C1orf115: variants seen among roughly 807,000 people sequenced by gnomAD.
The protein encoded by C1orf115 is chromosome 1 open reading frame 115.
C1orf115 carries 14 observed loss-of-function variants against 12.5 expected under a neutral mutation model. The observed-to-expected ratio is 1.12, with a 90% CI of 0.74 to 1.75. The LOEUF (loss-of-function observed/expected upper bound fraction) is 1.75, where lower values mean the gene tolerates loss of function less well. C1orf115 is among the 40% of genes most tolerant of loss of function. C1orf115 has a pLI of 0.00. For missense variants in C1orf115, 237 were observed against 220.8 expected (o/e 1.07, Z -0.46); for synonymous variants, 109 against 104.6 (o/e 1.04, Z -0.26).
intron 1 of C1orf115, among the ~76,000 whole-genome samples, chr1:220,693,941 G>A (rs928176583): frequency 2.6e-5 from 4 of 151,992 alleles, no homozygotes; most frequent in South Asian, 4.1e-4. Context: ...TTAGCCTGGC[G>A]CGGTGGTGCA....
intron 1 of C1orf115, 32 bp downstream of exon 1, chr1:220,690,743 G>A (rs779656582): frequency 1.3e-6 from 2 of 1,553,854 alleles, no homozygotes; most frequent in East Asian, 2.5e-5. Context: ...TGCCCGGGGG[G>A]CGCGGGTGTG....
intron 1 of C1orf115, among the ~76,000 whole-genome samples, chr1:220,692,765 C>T (rs6702417): frequency 0.02 from 3,014 of 152,176 alleles, 99 homozygotes; most frequent in African/African-American, 0.068. Flanking sequence ...TAAATGCCAC[C>T]GGGCTGTACG....
rs112127159 is a variant in C1orf115 at position 220,692,540 on chromosome 1, C to T, written c.309+1829C>T. Among the ~76,000 whole-genome samples the T allele has an allele frequency of 4.6e-5, 7 of 152,204 alleles. 1 individual carries two copies. Among genetic ancestry groups the T allele is most frequent in the African/African-American group, 1.7e-4 (7 of 41,544 alleles). ...TTATGCTAAGTGAAGTAAACAAGAC[C>T]CGCAAGATCACATATTGTGCGTATG... On this transcript the variant is annotated intron_variant, in intron 1 of 1. Transcript: ENST00000294889.
chr1:220,696,869 T>A lies in C1orf115; in HGVS notation c.*138T>A. On this transcript the variant is annotated 3_prime_UTR_variant, in exon 2 of 2. Coordinates refer to ENST00000294889, the MANE Select transcript of C1orf115 (RefSeq NM_024709.5). The stretch of plus-strand genomic sequence containing the variant: ...CATGCCTTTCTTTGTTGAATCACAT[T>A]AGTATGATGAGTGAGTCATCCCTGC... 1 of 1,137,516 alleles carries A rather than the reference T, an allele frequency of 8.8e-7. No individual in the cohort carries two copies. Among genetic ancestry groups the A allele is most frequent in the Non-Finnish European group, 1.2e-6 (1 of 840,192 alleles). 70.5% of individuals were successfully genotyped at this position (1,137,516 alleles called of 1,614,324 possible). A position where few individuals can be genotyped will look rare whatever the true frequency, so the allele number is the denominator to read the frequency against.
chr1:220,697,978 T>G lies in C1orf115; in HGVS notation c.*1247T>G, dbSNP rs337153. On this transcript the variant is annotated 3_prime_UTR_variant, in exon 2 of 2. Coordinates refer to ENST00000294889, the MANE Select transcript of C1orf115 (RefSeq NM_024709.5). This position sits in a 1 kb window ranked among gnomAD's most constrained non-coding sequence, Gnocchi z 4.5. ...TCTTCTTCTGTGCTGCCTGGTTTGA[T>G]CTCATCTCACCTGGATTCAAAGGGT... 2 of 152,172 alleles carry G rather than the reference T, an allele frequency of 1.3e-5. No homozygotes were observed. The highest frequency in any genetic ancestry group is 4.8e-5 in the African/African-American group (2 of 41,336). 9.4% of individuals were successfully genotyped at this position (152,172 alleles called of 1,614,324 possible). A position where few individuals can be genotyped will look rare whatever the true frequency, so the allele number is the denominator to read the frequency against.
At chr1:220,695,939 T>C (rs1483369743) in intron 1 of C1orf115, among the ~76,000 whole-genome samples, 1 of 152,066 alleles carries the variant, frequency 6.6e-6, no homozygotes, top group African/African-American at 2.4e-5. Flanking sequence ...TTTGAGTCCT[T>C]TAGATGTCCC....
chr1:220,695,626 G>A (rs980802952), intron 1 of C1orf115, among the ~76,000 whole-genome samples: 9 of 151,112 alleles, frequency 6.0e-5, no homozygotes, highest in South Asian at 2.1e-4. Flanking sequence ...GGCAGTACCC[G>A]GGGGAGAGAG....
rs1314611056 is a variant in C1orf115 at position 220,690,498 on chromosome 1, G to A, written c.96G>A (p.Ala32=). ...GGCGAACCGAGGGGGACGAGGAGGCGGCCGCCATCCTGGAGCACCTGGAGT... is the reference window on the plus strand; with the variant it reads ...GGCGAACCGAGGGGGACGAGGAGGCAGCCGCCATCCTGGAGCACCTGGAGT... ...GRGRTEGDEE[A]AAILEHLEYA... Residue 32 remains alanine (A), a synonymous_variant, in exon 1 of 2, where the codon GCG becomes GCA. Coordinates refer to ENST00000294889, the MANE Select transcript of C1orf115 (RefSeq NM_024709.5). The A allele has an allele frequency of 1.3e-5, 19 of 1,433,854 alleles. No homozygotes were observed. The highest frequency in any genetic ancestry group is 1.6e-5 in the Non-Finnish European group (18 of 1,099,884). The allele number at this position is 1,433,854 out of a possible 1,614,324, so 88.8% of individuals were successfully genotyped here.
chr1:220,690,795 T>A, intron 1 of C1orf115, 84 bp downstream of exon 1: 1 of 1,455,154 alleles, frequency 6.9e-7, no homozygotes, highest in East Asian at 2.8e-5. Flanking sequence ...TACCATCGAC[T>A]CACCCAGTTT....
At position 220,690,574 on chromosome 1, in the gene C1orf115, G is replaced by T. The variant is rs766476940; in HGVS notation, c.172G>T (p.Glu58Ter). 5.4e-6 allele frequency: 8 copies of T among 1,493,368 alleles called. No individual in the cohort carries two copies. Among genetic ancestry groups the T allele is most frequent in the Non-Finnish European group, 6.2e-6 (7 of 1,125,376 alleles). The allele number at this position is 1,493,368 out of a possible 1,614,324, so 92.5% of individuals were successfully genotyped here. ...CGAGAGCGGGACGAGCGCGGCGGAC[G>T]AGCGGGGCCCGGGGACCCGGGGCGC... ...AAESGTSAAD[E>*]RGPGTRGARR... The change falls in exon 1 of 2, where the codon GAG (glutamate) becomes TAG (stop). Residue 58 changes from glutamate (E) to a stop codon, truncating the protein, a stop_gained. Coordinates refer to ENST00000294889, the MANE Select transcript of C1orf115 (RefSeq NM_024709.5). LOFTEE classifies it high-confidence loss of function.
At chr1:220,695,788 G>A (rs1670185045) in intron 1 of C1orf115, among the ~76,000 whole-genome samples, 1 of 152,108 alleles carries the variant, frequency 6.6e-6, no homozygotes, top group Admixed American at 6.5e-5. Flanking sequence ...CAAGGTATGT[G>A]GCCTAAGGCA....
intron 1 of C1orf115, among the ~76,000 whole-genome samples, chr1:220,695,966 A>G (rs921473019): frequency 5.3e-5 from 8 of 152,154 alleles, no homozygotes; most frequent in African/African-American, 1.7e-4. Context: ...AGCACCTGAC[A>G]TTCCCTGAAT....
intron 1 of C1orf115, 75 bp downstream of exon 1, chr1:220,690,786 AC>A: frequency 6.7e-7 from 1 of 1,489,556 alleles, no homozygotes; most frequent in Non-Finnish European, 9.0e-7. Context: ...CCGGGTCCTT[AC>A]CATCGACTCA....
intron 1 of C1orf115, among the ~76,000 whole-genome samples, chr1:220,695,044 G>A (rs1249056021): frequency 1.3e-5 from 2 of 152,154 alleles, no homozygotes; most frequent in African/African-American, 4.8e-5. Context: ...AGAGGTCAGG[G>A]AGAGAAAGAC....
chr1:220,696,831 T>C lies in C1orf115; in HGVS notation c.*100T>C. 7.1e-7 allele frequency: 1 copy of C among 1,403,012 alleles called. No individual in the cohort carries two copies. Among genetic ancestry groups the C allele is most frequent in the South Asian group, 1.6e-5 (1 of 61,796 alleles). 86.9% of individuals were successfully genotyped at this position (1,403,012 alleles called of 1,614,324 possible). On this transcript the variant is annotated 3_prime_UTR_variant, in exon 2 of 2. Coordinates refer to ENST00000294889, the MANE Select transcript of C1orf115 (RefSeq NM_024709.5). ...TCTCAGACTTGAACACACAGCATAT[T>C]TGGAAGAGAAAACATGCCTTTCTTT...
rs1481797233 is a variant in C1orf115, at chr1:220,690,456, C to T, written c.54C>T (p.Arg18=). 3 of 1,448,414 alleles carry T rather than the reference C, an allele frequency of 2.1e-6. No homozygotes were observed. The highest frequency in any genetic ancestry group is 1.8e-6 in the Non-Finnish European group (2 of 1,107,360). The allele number at this position is 1,448,414 out of a possible 1,614,324, so 89.7% of individuals were successfully genotyped here. ...AGGCGGAGAGCAGCCTCCTGCGCCGCGGGCCCCGAGGGCGAGGGCGAACCG... is the reference window on the plus strand; with the variant it reads ...AGGCGGAGAGCAGCCTCCTGCGCCGTGGGCCCCGAGGGCGAGGGCGAACCG... ...RSKAESSLLR[R]GPRGRGRTEG... The change falls in exon 1 of 2, where the codon CGC becomes CGT. Residue 18 remains arginine, a synonymous_variant. Transcript: ENST00000294889.
chr1:220,695,716 A>C (rs1411490815), intron 1 of C1orf115, among the ~76,000 whole-genome samples: 1 of 151,972 alleles, frequency 6.6e-6, no homozygotes, highest in Admixed American at 6.6e-5. Context: ...TGTGATCAGG[A>C]ATTTTAAGTT....
chr1:220,693,926 A>C (rs1028042908), intron 1 of C1orf115, among the ~76,000 whole-genome samples: 3 of 152,036 alleles, frequency 2.0e-5, no homozygotes, highest in Non-Finnish European at 2.9e-5. Context: ...AAAAATACAA[A>C]AAGATTAGCC....
chr1:220,690,802 G>A (rs926494579), intron 1 of C1orf115, 91 bp downstream of exon 1: 1 of 1,437,150 alleles, frequency 7.0e-7, no homozygotes, highest in African/African-American at 1.5e-5. Context: ...GACTCACCCA[G>A]TTTCTCCGGG....
Sources: gnomAD v4.1 joint callset for allele counts (sites outside exome capture counted in the v4.1 genomes callset) on GRCh38, gnomAD v4.1.1 for gene constraint, Gnocchi (gnomAD v3.1) non-coding constraint, MANE v1.5 for transcripts, NCBI Gene and HGNC (gene_info 2026-07-23, HGNC 2026-07-21) for gene names.